Variants in PARD6G observed in about 807,000 individuals in gnomAD.
PARD6G encodes par-6 family cell polarity regulator gamma, also known as partitioning defective 6 homolog gamma.
PARD6G carries 7 observed loss-of-function variants against 10.7 expected under a neutral mutation model. The observed-to-expected ratio is 0.66, with a 90% confidence interval of 0.37 to 1.23. The LOEUF (loss-of-function observed/expected upper bound fraction) is 1.23. PARD6G is among the 50% of genes most tolerant of loss of function. The pLI, the probability that PARD6G is intolerant of heterozygous loss-of-function variation, is 0.02. For synonymous variants in PARD6G, 287 were observed against 269.4 expected, an observed-to-expected ratio of 1.07 and a Z score of -0.64; for missense variants, 548 against 571.8, an observed-to-expected ratio of 0.96 and a Z score of 0.42.
chr18:80,206,078 T>A (rs896700680), intron 1 of PARD6G, among the ~76,000 whole-genome samples: 1 of 152,190 alleles, frequency 6.6e-6, no homozygotes, highest in Non-Finnish European at 1.5e-5. Context: ...CTAAAACACA[T>A]CTCAGTTTCT....
intron 2 of PARD6G, chr18:80,170,517 C>G (rs926037884): frequency 3.3e-5 from 5 of 152,288 alleles, no homozygotes; most frequent in Non-Finnish European, 7.3e-5. Context: ...TTGGAGGCGA[C>G]CAGCACATTC....
At chr18:80,160,715 A>C in intron 2 of PARD6G, 109 bp from the exon 3 acceptor site, 1 of 1,403,796 alleles carries the variant, frequency 7.1e-7, no homozygotes, top group African/African-American at 1.5e-5. Flanking sequence ...CGAAGCACCC[A>C]GGGTGCACAG....
Position 80,182,072 on chromosome 18 carries a change from G to A in PARD6G, c.295+20638C>T, listed in dbSNP as rs907443069. Among the ~76,000 whole-genome samples, 5 of 152,166 alleles carry A rather than the reference G, an allele frequency of 3.3e-5. No individual in the cohort carries two copies. The highest frequency in any genetic ancestry group is 2.6e-4 in the Admixed American group (4 of 15,268). ...CAGAAAGCAGGGAAGCAACACAGCT[G>A]GGTAGGGCCCAGCAGAGTCTCACCC... is the stretch of plus-strand genomic sequence containing the variant. On this transcript the variant is annotated intron_variant, in intron 2 of 2. Coordinates refer to ENST00000353265, the MANE Select transcript of PARD6G (RefSeq NM_032510.4). The surrounding 1 kb of genome is among the most constrained non-coding windows in gnomAD (Gnocchi z 4.5).
chr18:80,190,727 G>A (rs1336825987), intron 2 of PARD6G, among the ~76,000 whole-genome samples: 1 of 152,146 alleles, frequency 6.6e-6, no homozygotes, highest in Non-Finnish European at 1.5e-5. Flanking sequence ...GAGGGCAGGC[G>A]GGCAGCTGTT....
At position 80,216,544 on chromosome 18, in the gene PARD6G, G is replaced by A. The variant is rs1167288566; in HGVS notation, c.73-13612C>T. Among the ~76,000 whole-genome samples the A allele has an allele frequency of 2.6e-5, 4 of 151,840 alleles. No homozygotes were observed. In the East Asian group the frequency reaches 7.7e-4, roughly 29 times the overall value. On this transcript the variant is annotated intron_variant, in intron 1 of 2. Transcript: ENST00000353265. ...TATGGAATTAAAAAGAAATCACAGA[G>A]GAAATTAGAAAATATGTAGAGATTA...
Position 80,247,253 on chromosome 18 carries a change from C to T in PARD6G, c.72+24G>A. Reference sequence around the variant, plus strand: ...TTAGCCAGGAGACTGGGCGCAGGGCCGCCGGGGCGGGCGGGGGGCTTACCT... The same window carrying T: ...TTAGCCAGGAGACTGGGCGCAGGGCTGCCGGGGCGGGCGGGGGGCTTACCT... On this transcript the variant is annotated intron_variant, in intron 1 of 2. Coordinates refer to ENST00000353265, the MANE Select transcript of PARD6G (RefSeq NM_032510.4). The surrounding 1 kb of genome is among the most constrained non-coding windows in gnomAD (Gnocchi z 4.2). 6.4e-7 allele frequency: 1 copy of T among 1,563,692 alleles called. No individual in the cohort carries two copies. Among genetic ancestry groups the T allele is most frequent in the Non-Finnish European group, 8.7e-7 (1 of 1,154,012 alleles).
At chr18:80,222,904 G>A (rs1967248467) in intron 1 of PARD6G, among the ~76,000 whole-genome samples, 1 of 152,048 alleles carries the variant, frequency 6.6e-6, no homozygotes, top group African/African-American at 2.4e-5. Flanking sequence ...TTGAGCTCCT[G>A]GACTCAAGCA....
chr18:80,230,110 C>T (rs1350169485), intron 1 of PARD6G, among the ~76,000 whole-genome samples: 2 of 152,206 alleles, frequency 1.3e-5, no homozygotes, highest in African/African-American at 2.4e-5. Flanking sequence ...GGCTGAGACT[C>T]GCCTTAGACT....
At chr18:80,168,008 C>A (rs918073503) in intron 2 of PARD6G, among the ~76,000 whole-genome samples, 1 of 152,178 alleles carries the variant, frequency 6.6e-6, no homozygotes, top group African/African-American at 2.4e-5. Flanking sequence ...CGGGCCGACA[C>A]CCCACTTGGA....
intron 1 of PARD6G, among the ~76,000 whole-genome samples, chr18:80,244,847 T>C (rs4798950): frequency 0.64 from 97,672 of 151,862 alleles, 31,977 homozygotes; most frequent in African/African-American, 0.75. Flanking sequence ...AGATAGATGC[T>C]ACAGTAACAA....
At chr18:80,235,150 C>A (rs1194847495) in intron 1 of PARD6G, among the ~76,000 whole-genome samples, 6 of 152,238 alleles carry the variant, frequency 3.9e-5, no homozygotes, top group Admixed American at 3.9e-4. Context: ...GAAATTATAA[C>A]AAACTGTCTC....
intron 1 of PARD6G, among the ~76,000 whole-genome samples, chr18:80,215,548 T>G (rs535761451): frequency 6.6e-6 from 1 of 152,282 alleles, no homozygotes; most frequent in South Asian, 2.1e-4. Flanking sequence ...TAATTGAAAT[T>G]AAGTTGGTAT....
At chr18:80,165,273 T>C (rs1330919878) in intron 2 of PARD6G, among the ~76,000 whole-genome samples, 2 of 152,210 alleles carry the variant, frequency 1.3e-5, no homozygotes, top group African/African-American at 4.8e-5. Flanking sequence ...TTAATATTAA[T>C]ATTCCTTGCT....
Position 80,161,985 on chromosome 18 carries a change from A to G in PARD6G, c.296-1379T>C, listed in dbSNP as rs1237412108. On this transcript the variant is annotated intron_variant, in intron 2 of 2. Transcript: ENST00000353265. This position sits in a 1 kb window ranked among gnomAD's most constrained non-coding sequence, Gnocchi z 4.6. ...GCAACATTCAGGCAGCTTGGAGAGG[A>G]GGCCAATGCTCAGGCATCACATCTC... The G allele has an allele frequency of 6.6e-6, 1 of 152,318 alleles. No homozygotes were observed. Among genetic ancestry groups the G allele is most frequent in the Non-Finnish European group, 1.5e-5 (1 of 68,102 alleles). The allele number at this position is 152,318 out of a possible 1,614,324, so 9.4% of individuals were successfully genotyped here. A position where few individuals can be genotyped will look rare whatever the true frequency, so the allele number is the denominator to read the frequency against.
intron 2 of PARD6G, among the ~76,000 whole-genome samples, chr18:80,168,573 T>TTGTG (rs3051500): frequency 0.13 from 18,200 of 144,282 alleles, 1,601 homozygotes; most frequent in East Asian, 0.36. Context: ...CAAATTATGT[T>TTGTG]TGTGTGTGTG....
chr18:80,204,431 G>C (rs1427999044), intron 1 of PARD6G, among the ~76,000 whole-genome samples: 1 of 152,070 alleles, frequency 6.6e-6, no homozygotes, highest in Admixed American at 6.6e-5. Flanking sequence ...ACCACACACA[G>C]AGAACCACTG....
At position 80,231,658 on chromosome 18, in the gene PARD6G, T is replaced by C. The variant is rs1456880243; in HGVS notation, c.72+15619A>G. Among the ~76,000 whole-genome samples, 1 of 152,162 alleles carries C rather than the reference T, an allele frequency of 6.6e-6. No individual in the cohort carries two copies. The highest frequency in any genetic ancestry group is 2.4e-5 in the African/African-American group (1 of 41,422). On this transcript the variant is annotated intron_variant, in intron 1 of 2. Coordinates refer to ENST00000353265, the MANE Select transcript of PARD6G (RefSeq NM_032510.4). This position sits in a 1 kb window ranked among gnomAD's most constrained non-coding sequence, Gnocchi z 4.2. ...AAAAACATTCATCCCAGGGTTGTGG[T>C]GAGACTCTAATATGAACACATGTCC...
intron 2 of PARD6G, among the ~76,000 whole-genome samples, chr18:80,190,624 C>T (rs1290541238): frequency 6.6e-6 from 1 of 152,172 alleles, no homozygotes; most frequent in East Asian, 1.9e-4. Flanking sequence ...AAAAGTCACA[C>T]GGCCTCTCCA....
chr18:80,204,161 T>G (rs1967034686), intron 1 of PARD6G, among the ~76,000 whole-genome samples: 1 of 152,202 alleles, frequency 6.6e-6, no homozygotes, highest in African/African-American at 2.4e-5. Flanking sequence ...TCTTTATTCA[T>G]CAGGTGGTAC....
Sources: allele counts gnomAD v4.1 joint callset (sites outside exome capture counted in the v4.1 genomes callset), GRCh38; gene constraint gnomAD v4.1.1; non-coding constraint Gnocchi (gnomAD v3.1); transcripts MANE v1.5; gene names NCBI Gene and HGNC (gene_info 2026-07-23, HGNC 2026-07-21).